The following SUCLG2 variants were observed in gnomAD, a reference collection of about 807,000 sequenced individuals.
SUCLG2 encodes the protein succinate-CoA ligase GDP-forming subunit beta.
SUCLG2 carries 42 observed loss-of-function variants against 47.9 expected under a neutral mutation model. That is an observed-to-expected ratio of 0.88 (90% confidence interval 0.69 to 1.14). SUCLG2 has a LOEUF of 1.14. Ranked by LOEUF, SUCLG2 falls within the 50% of genes most tolerant of loss-of-function variation. SUCLG2 has a pLI of 0.00. For missense variants in SUCLG2, 571 were observed against 525.9 expected (o/e 1.09, Z -0.84); for synonymous variants, 195 against 197.3 (o/e 0.99, Z 0.10).
Position 67,566,609 on chromosome 3 carries a change from C to T in SUCLG2, c.227-37423G>A, listed in dbSNP as rs116440988. On this transcript the variant is annotated intron_variant, in intron 2 of 10. Transcript: ENST00000307227. ...AAAGTAAAAAACATAATTTCTTAAC[C>T]GGCTTTATGGTGGATTTTGCAAAGT... Among the ~76,000 whole-genome samples the T allele has an allele frequency of 1.5e-3, 231 of 152,090 alleles. 2 individuals are homozygous for T. The highest frequency in any genetic ancestry group is 5.1e-3 in the African/African-American group (210 of 41,498).
At chr3:67,378,581 C>T (rs932483138) in intron 10 of SUCLG2, among the ~76,000 whole-genome samples, 6 of 152,154 alleles carry the variant, frequency 3.9e-5, no homozygotes, top group African/African-American at 7.2e-5. Context: ...CACTACAGCT[C>T]GGCTGACACT....
At chr3:67,577,849 G>T (rs9815753) in intron 2 of SUCLG2, among the ~76,000 whole-genome samples, 1,688 of 152,204 alleles carry the variant, frequency 0.011, 22 homozygotes, top group African/African-American at 0.038. Context: ...CAATTTTACT[G>T]AACAATGGAA....
intron 9 of SUCLG2, among the ~76,000 whole-genome samples, chr3:67,446,356 A>T (rs1484170766): frequency 1.6e-5 from 2 of 126,492 alleles, no homozygotes; most frequent in African/African-American, 2.7e-5. Context: ...TTTGTATATA[A>T]AAAAAAAAAA....
At chr3:67,637,005 C>T (rs1701022182) in intron 1 of SUCLG2, among the ~76,000 whole-genome samples, 1 of 151,904 alleles carries the variant, frequency 6.6e-6, no homozygotes, top group Non-Finnish European at 1.5e-5. Flanking sequence ...TCAATAATCA[C>T]TCAGAACAGC....
intron 9 of SUCLG2, among the ~76,000 whole-genome samples, chr3:67,418,817 T>A (rs1201969730): frequency 6.6e-6 from 1 of 152,104 alleles, no homozygotes; most frequent in Non-Finnish European, 1.5e-5. Context: ...CTGTTCTTCA[T>A]GGGATAATCA....
In SUCLG2 at chr3:67,379,382, C is replaced by G. The variant is rs996279194; in HGVS notation, c.1184-3523G>C. On this transcript the variant is annotated intron_variant, in intron 10 of 10. Coordinates refer to ENST00000307227, the MANE Select transcript of SUCLG2 (RefSeq NM_003848.4). ...GCAGGAGTGGCGCTCCTGATGTCTT[C>G]CTCCATTTCAGATCCTGCTCTTTCT... Among the ~76,000 whole-genome samples the G allele has an allele frequency of 5.9e-5, 9 of 152,310 alleles. 1 individual carries two copies. The highest frequency in any genetic ancestry group is 2.6e-4 in the Admixed American group (4 of 15,296).
intron 9 of SUCLG2, among the ~76,000 whole-genome samples, chr3:67,412,256 C>A (rs7620047): frequency 6.6e-6 from 1 of 152,048 alleles, no homozygotes; most frequent in Non-Finnish European, 1.5e-5. Context: ...ATGCTTTCTA[C>A]CTCAAAGTGT....
chr3:67,549,712 A>C (rs978363908), intron 2 of SUCLG2, among the ~76,000 whole-genome samples: 1 of 152,206 alleles, frequency 6.6e-6, no homozygotes, highest in Non-Finnish European at 1.5e-5. Flanking sequence ...ATGAGGGGGA[A>C]AAGCTTAGCA....
intron 2 of SUCLG2, among the ~76,000 whole-genome samples, chr3:67,565,073 T>C (rs1707413847): frequency 6.6e-6 from 1 of 152,120 alleles, no homozygotes; most frequent in Non-Finnish European, 1.5e-5. Context: ...CCTAACAGAC[T>C]CAATCAAGTC....
chr3:67,489,614 A>G (rs1705154686), intron 9 of SUCLG2, among the ~76,000 whole-genome samples: 1 of 152,240 alleles, frequency 6.6e-6, no homozygotes, highest in East Asian at 1.9e-4. Flanking sequence ...TGTGTTGTAT[A>G]AAGTATTGAG....
intron 10 of SUCLG2, among the ~76,000 whole-genome samples, chr3:67,387,158 T>C (rs1359381303): frequency 3.9e-5 from 6 of 152,202 alleles, no homozygotes; most frequent in Non-Finnish European, 7.3e-5. Flanking sequence ...CATTAAAACA[T>C]ACTGATGAAT....
chr3:67,400,965 G>C, intron 9 of SUCLG2, 114 bp from the exon 10 acceptor site: 1 of 1,461,082 alleles, frequency 6.8e-7, no homozygotes, highest in Admixed American at 2.5e-5. Flanking sequence ...TTTTGTTTTT[G>C]TTTTATACAG....
chr3:67,483,082 G>T (rs1375979627), intron 9 of SUCLG2, among the ~76,000 whole-genome samples: 2 of 152,112 alleles, frequency 1.3e-5, no homozygotes, highest in East Asian at 3.9e-4. Context: ...CATTTCAGAA[G>T]ACCTCAAAGG....
At chr3:67,467,059 C>A (rs1057032442) in intron 9 of SUCLG2, among the ~76,000 whole-genome samples, 1 of 152,164 alleles carries the variant, frequency 6.6e-6, no homozygotes, top group East Asian at 1.9e-4. Flanking sequence ...AATTGAGAAT[C>A]GGAACTTCCA....
chr3:67,553,870 A>T (rs1427205852), intron 2 of SUCLG2, among the ~76,000 whole-genome samples: 1 of 152,228 alleles, frequency 6.6e-6, no homozygotes, highest in Non-Finnish European at 1.5e-5. Flanking sequence ...ATTCCGAGTT[A>T]TCTTAAACAG....
intron 2 of SUCLG2, among the ~76,000 whole-genome samples, chr3:67,572,363 A>AAAATACAAGACCAAGTGGAGGAAC (rs1392771807): frequency 3.3e-5 from 5 of 152,214 alleles, no homozygotes; most frequent in Non-Finnish European, 5.9e-5. Flanking sequence ...AATGGATGAA[A>AAAATACAAGACCAAGTGGAGGAAC]AAATACAAGA....
intron 2 of SUCLG2, among the ~76,000 whole-genome samples, 183 bp downstream of exon 2, chr3:67,609,272 T>C (rs1057190619): frequency 7.1e-5 from 3 of 41,968 alleles, no homozygotes; most frequent in African/African-American, 5.5e-4. Flanking sequence ...ATGTGATTCC[T>C]GCACACTTAC....
chr3:67,468,837 T>TG (rs1201638357), intron 9 of SUCLG2, among the ~76,000 whole-genome samples: 4 of 152,144 alleles, frequency 2.6e-5, no homozygotes, highest in African/African-American at 7.2e-5. Flanking sequence ...AAGGAAGCAA[T>TG]GGATAACGGA....
chr3:67,428,967 A>C (rs1438398027), intron 9 of SUCLG2, among the ~76,000 whole-genome samples: 1 of 152,224 alleles, frequency 6.6e-6, no homozygotes, highest in African/African-American at 2.4e-5. Context: ...GACCAAATCT[A>C]TGTCTGATTG....
Sources: allele counts gnomAD v4.1 joint callset (sites outside exome capture counted in the v4.1 genomes callset), GRCh38; gene constraint gnomAD v4.1.1; transcripts MANE v1.5; gene names NCBI Gene and HGNC (gene_info 2026-07-23, HGNC 2026-07-21).